The following ZNF623 variants were observed in gnomAD, a reference collection of about 807,000 sequenced individuals.
ZNF623 encodes zinc finger protein 623.
In ZNF623, 16 loss-of-function variants were observed where a neutral mutation model predicts 24.0. That is an observed-to-expected ratio of 0.67 (90% CI 0.45 to 1.01). ZNF623 has a LOEUF of 1.01. ZNF623 is among the 50% of genes least tolerant of loss of function. The pLI is 0.00. For missense variants in ZNF623, 566 were observed against 606.5 expected, an observed-to-expected ratio of 0.93 and a Z score of 0.70; for synonymous variants, 224 against 219.8, an observed-to-expected ratio of 1.02 and a Z score of -0.17.
intron 1 of ZNF623, among the ~76,000 whole-genome samples, chr8:143,641,215 G>T (rs1367456795): frequency 6.6e-6 from 1 of 152,186 alleles, no homozygotes; most frequent in Non-Finnish European, 1.5e-5. Flanking sequence ...CTATAATGAT[G>T]ACTCCTTTCC....
At position 143,649,291 on chromosome 8, in the gene ZNF623, C is replaced by A. The variant is rs76419972; in HGVS notation, c.-95-607C>A. Among the ~76,000 whole-genome samples the A allele has an allele frequency of 4.4e-3, 623 of 140,124 alleles. 6 individuals carry two copies. The highest frequency in any genetic ancestry group is 0.012 in the African/African-American group (422 of 34,296). 91.9% of individuals were successfully genotyped at this position (140,124 alleles called of 152,430 possible). On this transcript the variant is annotated intron_variant, in intron 1 of 1. Coordinates refer to ENST00000526926, the MANE Select transcript of ZNF623 (RefSeq NM_001261843.2). ...AGACTCCATCTAAAAAAAAAAAAAA[C>A]AAAAACAAACAAAAAAACAGCAAGA...
Position 143,651,680 on chromosome 8 carries a change from TC to T in ZNF623, c.*198del, listed in dbSNP as rs1815327317. 2 of 563,184 alleles carry T rather than the reference TC, an allele frequency of 3.6e-6. No individual in the cohort carries two copies. The highest frequency in any genetic ancestry group is 1.9e-5 in the African/African-American group (1 of 51,912). The allele number at this position is 563,184 out of a possible 1,614,324, so 34.9% of individuals were successfully genotyped here. On this transcript the variant is annotated 3_prime_UTR_variant, in exon 2 of 2. Transcript: ENST00000526926. The stretch of plus-strand genomic sequence containing the variant: ...GCTGTGAGCACTGTCCTCAGGAGAG[TC>T]ACAGGGCTTGACACCTGACTCTGAG...
At chr8:143,643,628 C>T (rs760674714) in intron 1 of ZNF623, among the ~76,000 whole-genome samples, 1 of 152,236 alleles carries the variant, frequency 6.6e-6, no homozygotes, top group Non-Finnish European at 1.5e-5. Context: ...CTCAGGGCAC[C>T]ACCATGTGCC....
In ZNF623 at chr8:143,652,978, G is replaced by A. The variant is rs1375256243; in HGVS notation, c.*1495G>A. 1 of 167,234 alleles carries A rather than the reference G, an allele frequency of 6.0e-6. No individual in the cohort carries two copies. Among genetic ancestry groups the A allele is most frequent in the African/African-American group, 2.4e-5 (1 of 41,456 alleles). The allele number at this position is 167,234 out of a possible 1,614,324, so 10.4% of individuals were successfully genotyped here. On this transcript the variant is annotated 3_prime_UTR_variant, in exon 2 of 2. Coordinates refer to ENST00000526926, the MANE Select transcript of ZNF623 (RefSeq NM_001261843.2). Reference sequence around the variant, plus strand: ...TAAGTATGTGCCCTCAGGTGTGAAGGAGCACAGGTGAGGGGGTGCCTGCTG... The same window carrying A: ...TAAGTATGTGCCCTCAGGTGTGAAGAAGCACAGGTGAGGGGGTGCCTGCTG...
chr8:143,651,506 G>A lies in ZNF623; in HGVS notation c.*23G>A, dbSNP rs766082059. On this transcript the variant is annotated 3_prime_UTR_variant, in exon 2 of 2. Transcript: ENST00000526926. ...TAAAATAATTACTTTCCCGCCCAGTGAGTGATGTTTGGAAATGCGTGGAAT... is the reference window on the plus strand; with the variant it reads ...TAAAATAATTACTTTCCCGCCCAGTAAGTGATGTTTGGAAATGCGTGGAAT... The A allele has an allele frequency of 2.0e-6, 3 of 1,533,894 alleles. No individual in the cohort carries two copies. In the Admixed American group the frequency reaches 6.6e-5, roughly 34 times the overall value.
At position 143,650,522 on chromosome 8, in the gene ZNF623, G is replaced by C. The variant is rs1336084026; in HGVS notation, c.530G>C (p.Cys177Ser). The C allele has an allele frequency of 6.2e-7, 1 of 1,614,162 alleles. No homozygotes were observed. The highest frequency in any genetic ancestry group is 1.3e-5 in the African/African-American group (1 of 75,028). ...TGTGCGCAGTGTGGGAAGGCGTTTT[G>C]TCACAGTTCAGACCTGATTAGGCAC... ...FKCAQCGKAFCHSSDLIRHQR... is the reference protein window; with the variant it reads ...FKCAQCGKAFSHSSDLIRHQR... The change falls in exon 2 of 2, where the codon TGT becomes TCT. Residue 177 changes from cysteine (C) to serine (S), a missense_variant. Around this residue, in one of 3 missense-constraint regions of ZNF623, gnomAD observed 313 missense variants for 300.4 expected, o/e 1.04. Coordinates refer to ENST00000526926, the MANE Select transcript of ZNF623 (RefSeq NM_001261843.2). The surrounding 1 kb of genome is among the most constrained non-coding windows in gnomAD (Gnocchi z 5.2).
Position 143,650,684 on chromosome 8 carries a change from C to A in ZNF623, c.692C>A (p.Ser231Tyr). ...RPYECNECGKSFIRSSSLIRH... is the reference protein window; with the variant it reads ...RPYECNECGKYFIRSSSLIRH... ...TATGAGTGCAATGAATGTGGGAAAT[C>A]CTTCATAAGGAGCTCGAGCCTCATT... The change falls in exon 2 of 2, where the codon TCC becomes TAC. Residue 231 changes from serine to tyrosine, a missense_variant. Ser to Tyr is a moderately radical substitution (Grantham distance 144). This residue lies in a region of ZNF623 where 313 missense variants were observed against 300.4 expected (regional missense o/e 1.04). Coordinates refer to ENST00000526926, the MANE Select transcript of ZNF623 (RefSeq NM_001261843.2). The surrounding 1 kb of genome is among the most constrained non-coding windows in gnomAD (Gnocchi z 5.2). 1 of 1,613,914 alleles carries A rather than the reference C, an allele frequency of 6.2e-7. No homozygotes were observed. Among genetic ancestry groups the A allele is most frequent in the East Asian group, 2.2e-5 (1 of 44,858 alleles).
chr8:143,638,653 G>A (rs1814979869), intron 1 of ZNF623, among the ~76,000 whole-genome samples: 2 of 151,452 alleles, frequency 1.3e-5, no homozygotes, highest in South Asian at 4.2e-4. Context: ...CAGGAGAATC[G>A]CTTGAACCCA....
intron 1 of ZNF623, among the ~76,000 whole-genome samples, chr8:143,639,537 T>C (rs2131439593): frequency 6.6e-6 from 1 of 152,236 alleles, no homozygotes; most frequent in Non-Finnish European, 1.5e-5. Flanking sequence ...CTTTTTAAAA[T>C]ACAGACTGTG....
intron 1 of ZNF623, chr8:143,636,401 C>T (rs1301905243): frequency 6.6e-6 from 1 of 152,364 alleles, no homozygotes; most frequent in Non-Finnish European, 1.5e-5. Context: ...GGGTCTTGTC[C>T]CTGAGGAGCG....
intron 1 of ZNF623, among the ~76,000 whole-genome samples, chr8:143,638,659 A>T (rs2131438446): frequency 6.6e-6 from 1 of 150,742 alleles, no homozygotes; most frequent in East Asian, 2.0e-4. Flanking sequence ...AATCGCTTGA[A>T]CCCACGAGAC....
intron 1 of ZNF623, among the ~76,000 whole-genome samples, chr8:143,645,176 G>T (rs569865246): frequency 2.0e-5 from 3 of 151,196 alleles, no homozygotes; most frequent in East Asian, 3.9e-4. Flanking sequence ...GAGCGTGGTG[G>T]CTCATGCCTG....
rs1326109589 is a variant in ZNF623, at chr8:143,652,850, C to A, written c.*1367C>A. The A allele has an allele frequency of 6.0e-6, 1 of 167,086 alleles. No individual in the cohort carries two copies. Among genetic ancestry groups the A allele is most frequent in the Non-Finnish European group, 1.5e-5 (1 of 68,132 alleles). 10.4% of individuals were successfully genotyped at this position (167,086 alleles called of 1,614,324 possible). A position where few individuals can be genotyped will look rare whatever the true frequency, so the allele number is the denominator to read the frequency against. On this transcript the variant is annotated 3_prime_UTR_variant, in exon 2 of 2. Coordinates refer to ENST00000526926, the MANE Select transcript of ZNF623 (RefSeq NM_001261843.2). ...GTGTCATTTCAAAATGTATTGATAT[C>A]TATAAGGAATAGTCCTCAATGTTGG... is the stretch of plus-strand genomic sequence containing the variant.
In ZNF623 at chr8:143,645,182, G is replaced by A. The variant is rs570373881; in HGVS notation, c.-95-4716G>A. 7.3e-5 allele frequency among the ~76,000 whole-genome samples: 11 copies of A among 150,870 alleles called. No individual in the cohort carries two copies. The South Asian group carries it at 8.3e-4, about 11-fold the overall frequency. Reference sequence around the variant, plus strand: ...TGGTCGGCCGAGCGTGGTGGCTCATGCCTGTAATCCCAGCACTTTGGGAGG... The same window carrying A: ...TGGTCGGCCGAGCGTGGTGGCTCATACCTGTAATCCCAGCACTTTGGGAGG... On this transcript the variant is annotated intron_variant, in intron 1 of 1. Coordinates refer to ENST00000526926, the MANE Select transcript of ZNF623 (RefSeq NM_001261843.2).
At chr8:143,645,191 C>T (rs968856464) in intron 1 of ZNF623, among the ~76,000 whole-genome samples, 4 of 151,080 alleles carry the variant, frequency 2.6e-5, no homozygotes, top group South Asian at 2.1e-4. Flanking sequence ...TGCCTGTAAT[C>T]CCAGCACTTT....
intron 1 of ZNF623, 132 bp from the exon 2 acceptor site, chr8:143,649,766 G>T: frequency 8.7e-7 from 1 of 1,144,768 alleles, no homozygotes. Context: ...GTGGGTAGCA[G>T]CATGTTGGGT....
chr8:143,651,066 T>C lies in ZNF623; in HGVS notation c.1074T>C (p.Thr358=). The change falls in exon 2 of 2, where the codon ACT becomes ACC. Residue 358 remains threonine, a synonymous_variant. Transcript: ENST00000526926. ...SYLIRHQKIH[T]GERVYECKEC... The stretch of plus-strand genomic sequence containing the variant: ...TTATTCGACACCAGAAAATCCACAC[T>C]GGAGAGAGAGTGTATGAATGTAAGG... 6.2e-7 allele frequency: 1 copy of C among 1,614,098 alleles called. No individual in the cohort carries two copies. Among genetic ancestry groups the C allele is most frequent in the Non-Finnish European group, 8.5e-7 (1 of 1,180,024 alleles).
At chr8:143,644,101 A>G (rs1309317370) in intron 1 of ZNF623, among the ~76,000 whole-genome samples, 5 of 151,996 alleles carry the variant, frequency 3.3e-5, no homozygotes, top group African/African-American at 4.8e-5. Context: ...GCTTACTGCA[A>G]CCTCTGCCTC....
At chr8:143,648,214 G>A (rs1455141659) in intron 1 of ZNF623, among the ~76,000 whole-genome samples, 2 of 152,258 alleles carry the variant, frequency 1.3e-5, no homozygotes, top group African/African-American at 2.4e-5. Context: ...CCCTAGACAC[G>A]CCAGGGCTTT....
Sources: gnomAD v4.1 joint callset for allele counts (sites outside exome capture counted in the v4.1 genomes callset) on GRCh38, gnomAD v4.1.1 for gene constraint, gnomAD v4.1.1 regional missense constraint, Gnocchi (gnomAD v3.1) non-coding constraint, MANE v1.5 for transcripts, NCBI Gene and HGNC (gene_info 2026-07-23, HGNC 2026-07-21) for gene names.